The following VPS13B variants were observed in gnomAD, a reference collection of about 807,000 sequenced individuals.
VPS13B encodes intermembrane lipid transfer protein VPS13B.
A neutral mutation model predicts 426.4 loss-of-function variants in VPS13B; 285 were observed. The ratio of observed to expected loss-of-function variants is 0.67; its 90% CI spans 0.61 to 0.74. VPS13B has a LOEUF of 0.74. VPS13B is among the 30% of genes least tolerant of loss of function. VPS13B has a pLI of 0.00. For synonymous variants in VPS13B, 1,676 were observed against 1,676.4 expected, an observed-to-expected ratio of 1.00 and a Z score of 0.01; for missense variants, 4,537 against 4,782.6, an observed-to-expected ratio of 0.95 and a Z score of 1.51.
Position 99,818,486 on chromosome 8 carries a change from G to C in VPS13B, c.8397G>C (p.Trp2799Cys). ...PSSNSSIIYV[W>C]CTVLTLEPNS... Reference sequence around the variant, plus strand: ...CAAACAGTTCCATTATTTATGTCTGGTGCACAGTTTTGACTTTAGAACCCA... The same window carrying C: ...CAAACAGTTCCATTATTTATGTCTGCTGCACAGTTTTGACTTTAGAACCCA... The change falls in exon 46 of 62, where the codon TGG becomes TGC. Residue 2799 changes from tryptophan to cysteine, a missense_variant. Transcript: ENST00000357162. 1 of 1,613,898 alleles carries C rather than the reference G, an allele frequency of 6.2e-7. No individual in the cohort carries two copies. Among genetic ancestry groups the C allele is most frequent in the South Asian group, 1.1e-5 (1 of 91,070 alleles).
chr8:99,489,914 G>C (rs571692428), intron 25 of VPS13B, among the ~76,000 whole-genome samples: 2 of 152,038 alleles, frequency 1.3e-5, no homozygotes, highest in African/African-American at 4.8e-5. Context: ...CTGCCTGATT[G>C]CCCTGGTTGG....
intron 55 of VPS13B, among the ~76,000 whole-genome samples, chr8:99,851,057 T>C (rs1395749227): frequency 6.6e-6 from 1 of 152,250 alleles, no homozygotes; most frequent in South Asian, 2.1e-4. Context: ...AATGTTTTCT[T>C]TGCCCAAAAG....
intron 39 of VPS13B, among the ~76,000 whole-genome samples, chr8:99,747,488 C>A (rs1008077546): frequency 1.3e-5 from 2 of 151,902 alleles, no homozygotes; most frequent in Non-Finnish European, 2.9e-5. Context: ...CCAGATTGTA[C>A]CTTTTAGAGA....
chr8:99,866,872 C>G (rs1228082262), intron 58 of VPS13B, among the ~76,000 whole-genome samples: 1 of 152,174 alleles, frequency 6.6e-6, no homozygotes, highest in Admixed American at 6.5e-5. Context: ...GCCTGACTGT[C>G]TGTGGTACTA....
intron 30 of VPS13B, among the ~76,000 whole-genome samples, chr8:99,539,089 T>C (rs190738058): frequency 3.0e-4 from 45 of 152,296 alleles, no homozygotes; most frequent in Middle Eastern, 3.4e-3. Flanking sequence ...TTACTCACTT[T>C]TCAAGTCATG....
At chr8:99,519,175 G>C (rs757848736) in intron 29 of VPS13B, among the ~76,000 whole-genome samples, 5 of 152,034 alleles carry the variant, frequency 3.3e-5, no homozygotes, top group Non-Finnish European at 7.4e-5. Context: ...TTTTGATGGG[G>C]TTGTTTTTTT....
chr8:99,030,580 C>T (rs1038009164), intron 2 of VPS13B, among the ~76,000 whole-genome samples: 3 of 151,866 alleles, frequency 2.0e-5, no homozygotes, highest in Admixed American at 2.0e-4. Flanking sequence ...TGACACTGAA[C>T]TGGAATAAGC....
At chr8:99,111,748 A>G (rs560580010) in intron 6 of VPS13B, among the ~76,000 whole-genome samples, 1 of 152,246 alleles carries the variant, frequency 6.6e-6, no homozygotes, top group East Asian at 1.9e-4. Context: ...CTTTTGATTT[A>G]TGATTTTTAA....
At chr8:99,631,650 C>T (rs1229312472) in intron 33 of VPS13B, among the ~76,000 whole-genome samples, 4 of 151,802 alleles carry the variant, frequency 2.6e-5, no homozygotes, top group Non-Finnish European at 5.9e-5. Context: ...TCAAATTGTT[C>T]CTGACTCCTG....
intron 30 of VPS13B, among the ~76,000 whole-genome samples, chr8:99,544,383 C>T (rs4735619): frequency 0.26 from 38,951 of 151,828 alleles, 5,675 homozygotes; most frequent in East Asian, 0.45. Context: ...TTAGTGGGTG[C>T]AGCGCACCAG....
intron 33 of VPS13B, among the ~76,000 whole-genome samples, chr8:99,578,031 C>G (rs553627135): frequency 4.5e-4 from 69 of 152,194 alleles, no homozygotes; most frequent in African/African-American, 1.5e-3. Context: ...CAATAAATAA[C>G]TTGTAAAGCA....
At chr8:99,381,119 T>A (rs1813776682) in intron 19 of VPS13B, among the ~76,000 whole-genome samples, 1 of 152,160 alleles carries the variant, frequency 6.6e-6, no homozygotes. Context: ...TGTGTTCTCA[T>A]CATTTAGCTG....
At position 99,828,394 on chromosome 8, in the gene VPS13B, G is replaced by GCTTTTTTTTT. The variant is rs1563495224; in HGVS notation, c.9331-3975_9331-3974insCTTTTTTTTT. On this transcript the variant is annotated intron_variant, in intron 51 of 61. Coordinates refer to ENST00000357162, the MANE Select transcript of VPS13B (RefSeq NM_152564.5). ...ATCAGAGACTAGGATTACAACCACC[G>GCTTTTTTTTT]TTTTTTTTTTTTTTTTTTTTTTTTT... Among the ~76,000 whole-genome samples, 16 of 17,424 alleles carry GCTTTTTTTTT rather than the reference G, an allele frequency of 9.2e-4. 2 individuals are homozygous for GCTTTTTTTTT. The highest frequency in any genetic ancestry group is 1.6e-3 in the Admixed American group (2 of 1,290). The allele number at this position is 17,424 out of a possible 152,430, so 11.4% of individuals were successfully genotyped here.
At chr8:99,502,103 G>A (rs1821278406) in intron 26 of VPS13B, among the ~76,000 whole-genome samples, 1 of 151,964 alleles carries the variant, frequency 6.6e-6, no homozygotes, top group African/African-American at 2.4e-5. Flanking sequence ...TCCTGCCTCA[G>A]CCTCCCGAAT....
chr8:99,126,195 C>T (rs907777460), intron 8 of VPS13B, among the ~76,000 whole-genome samples: 1 of 152,030 alleles, frequency 6.6e-6, no homozygotes, highest in African/African-American at 2.4e-5. Context: ...AAGGTGATAG[C>T]GGTTTTTGAA....
intron 25 of VPS13B, among the ~76,000 whole-genome samples, chr8:99,496,448 G>A (rs928470716): frequency 6.6e-6 from 1 of 151,950 alleles, no homozygotes; most frequent in African/African-American, 2.4e-5. Flanking sequence ...TCAGGAGATC[G>A]AGACCATCCT....
chr8:99,438,831 T>G (rs1452528700), intron 22 of VPS13B, among the ~76,000 whole-genome samples: 1 of 152,156 alleles, frequency 6.6e-6, no homozygotes, highest in East Asian at 1.9e-4. Flanking sequence ...TATACAGAGA[T>G]AGTGAAACCG....
chr8:99,591,741 C>T (rs932021091), intron 33 of VPS13B, among the ~76,000 whole-genome samples: 3 of 151,626 alleles, frequency 2.0e-5, no homozygotes, highest in Admixed American at 6.6e-5. Context: ...TGATGGGCTT[C>T]GCTTTGTGGG....
intron 21 of VPS13B, among the ~76,000 whole-genome samples, chr8:99,413,804 A>G: frequency 6.6e-6 from 1 of 151,946 alleles, no homozygotes; most frequent in East Asian, 1.9e-4. Context: ...GACTGTTATG[A>G]TTTCCATTCT....
Sources: gnomAD v4.1 joint callset for allele counts (sites outside exome capture counted in the v4.1 genomes callset) on GRCh38, gnomAD v4.1.1 for gene constraint, MANE v1.5 for transcripts, NCBI Gene and HGNC (gene_info 2026-07-23, HGNC 2026-07-21) for gene names.